Variants in FAM120B observed in about 807,000 individuals in gnomAD.
FAM120B encodes the protein family with sequence similarity 120 member B.
A neutral mutation model predicts 96.3 loss-of-function variants in FAM120B; 83 were observed. That is an observed-to-expected ratio of 0.86 (90% CI 0.72 to 1.03). FAM120B has a LOEUF of 1.03. Among genes scored for constraint, FAM120B ranks in the 50% least tolerant of loss-of-function variants. The pLI is 0.00. For missense variants in FAM120B, 1,027 were observed against 1,121.2 expected (o/e 0.92, Z 1.20); for synonymous variants, 407 against 402.7 (o/e 1.01, Z -0.13).
intron 1 of FAM120B, among the ~76,000 whole-genome samples, chr6:170,310,409 GT>G (rs1784525534): frequency 6.6e-6 from 1 of 152,246 alleles, no homozygotes. Context: ...TGGCTCTGTG[GT>G]GAGGCCCTTG....
chr6:170,365,692 G>A (rs1788737278), intron 6 of FAM120B, among the ~76,000 whole-genome samples: 1 of 151,456 alleles, frequency 6.6e-6, no homozygotes, highest in Non-Finnish European at 1.5e-5. Flanking sequence ...CGGGCCTCCT[G>A]ACACACACAC....
rs772858961 is a variant in FAM120B, at chr6:170,318,278, T to C, written c.888T>C (p.Leu296=). 25 of 1,614,016 alleles carry C rather than the reference T, an allele frequency of 1.5e-5. No individual in the cohort carries two copies. Among genetic ancestry groups the C allele is most frequent in the Non-Finnish European group, 1.9e-5 (23 of 1,180,026 alleles). Residue 296 remains leucine, a synonymous_variant, in exon 2 of 11, where the codon CTT becomes CTC. Coordinates refer to ENST00000476287, the MANE Select transcript of FAM120B (RefSeq NM_032448.3). Reference sequence around the variant, plus strand: ...TACCTCTGGGACCAAACAAAGCTCTTTTTTATAAAGGAATGGCATCATATC... The same window carrying C: ...TACCTCTGGGACCAAACAAAGCTCTCTTTTATAAAGGAATGGCATCATATC... ...EILPLGPNKA[L]FYKGMASYLL... is the part of the protein sequence containing the mutation.
intron 2 of FAM120B, among the ~76,000 whole-genome samples, chr6:170,319,772 G>T (rs1419253167): frequency 6.6e-6 from 1 of 152,278 alleles, no homozygotes; most frequent in Non-Finnish European, 1.5e-5. Flanking sequence ...GGGAGTTGTG[G>T]AAGTACTAAA....
At chr6:170,391,992 T>C (rs746995591) in intron 8 of FAM120B, among the ~76,000 whole-genome samples, 3 of 152,216 alleles carry the variant, frequency 2.0e-5, no homozygotes, top group Non-Finnish European at 4.4e-5. Flanking sequence ...GTTCCCCTGT[T>C]TGGAGCTCTG....
intron 6 of FAM120B, among the ~76,000 whole-genome samples, chr6:170,360,145 G>C (rs1263534098): frequency 6.6e-6 from 1 of 152,176 alleles, no homozygotes; most frequent in Non-Finnish European, 1.5e-5. Flanking sequence ...TAGGCCATGT[G>C]GGCAACATAG....
upstream of FAM120B, among the ~76,000 whole-genome samples, chr6:170,292,107 G>T (rs1395455421): frequency 6.6e-6 from 1 of 152,136 alleles, no homozygotes; most frequent in Non-Finnish European, 1.5e-5. This position sits in a 1 kb window ranked among gnomAD's most constrained non-coding sequence, Gnocchi z 6.6. Context: ...CTCCGCGCGC[G>T]CCGCGGCCTC....
chr6:170,363,975 G>A lies in FAM120B; in HGVS notation c.2283+5657G>A, dbSNP rs983193284. On this transcript the variant is annotated intron_variant, in intron 6 of 10. Coordinates refer to ENST00000476287, the MANE Select transcript of FAM120B (RefSeq NM_032448.3). This position sits in a 1 kb window ranked among gnomAD's most constrained non-coding sequence, Gnocchi z 4.5. The stretch of plus-strand genomic sequence containing the variant: ...CTGGAACTCCTGACCTTCAGTGATG[G>A]GCCTGCATCAGCCTCCCACAGTGCT... 6.6e-6 allele frequency among the ~76,000 whole-genome samples: 1 copy of A among 152,040 alleles called. No homozygotes were observed. The highest frequency in any genetic ancestry group is 2.4e-5 in the African/African-American group (1 of 41,404).
intron 4 of FAM120B, among the ~76,000 whole-genome samples, chr6:170,335,838 G>C (rs1786384344): frequency 6.6e-6 from 1 of 152,144 alleles, no homozygotes; most frequent in Admixed American, 6.5e-5. Context: ...ATGTTTGTTG[G>C]CTGCATAAAT....
At chr6:170,343,871 A>G (rs1786998968) in intron 4 of FAM120B, among the ~76,000 whole-genome samples, 1 of 152,150 alleles carries the variant, frequency 6.6e-6, no homozygotes, top group Non-Finnish European at 1.5e-5. Flanking sequence ...CTAGTATGTC[A>G]CTTACGTGTC....
intron 1 of FAM120B, among the ~76,000 whole-genome samples, chr6:170,309,029 A>C (rs1784446650): frequency 6.6e-6 from 1 of 152,224 alleles, no homozygotes; most frequent in South Asian, 2.1e-4. Flanking sequence ...CTTTAAGAAA[A>C]GGTTGATGTT....
intron 9 of FAM120B, among the ~76,000 whole-genome samples, chr6:170,403,609 G>A (rs1435613250): frequency 1.3e-5 from 2 of 152,182 alleles, no homozygotes; most frequent in African/African-American, 2.4e-5. Context: ...GCTCAGTGCA[G>A]GCAGCTGCCC....
intron 9 of FAM120B, among the ~76,000 whole-genome samples, chr6:170,397,859 G>A (rs1778264752): frequency 6.6e-6 from 1 of 152,188 alleles, no homozygotes; most frequent in Non-Finnish European, 1.5e-5. Context: ...AGTAAGGCAG[G>A]CTGGCAGGGG....
intron 9 of FAM120B, among the ~76,000 whole-genome samples, chr6:170,403,029 T>C (rs1052878163): frequency 6.6e-6 from 1 of 152,162 alleles, no homozygotes; most frequent in Non-Finnish European, 1.5e-5. Context: ...AAAATTGAGA[T>C]GTTAAATGCT....
upstream of FAM120B, among the ~76,000 whole-genome samples, chr6:170,305,840 G>A (rs986874103): frequency 6.6e-6 from 1 of 152,178 alleles, no homozygotes; most frequent in African/African-American, 2.4e-5. Context: ...CCTAGCCCAA[G>A]GGAGCATGTC....
chr6:170,338,408 A>T (rs1385154109), intron 4 of FAM120B, among the ~76,000 whole-genome samples: 1 of 152,032 alleles, frequency 6.6e-6, no homozygotes, highest in African/African-American at 2.4e-5. Flanking sequence ...GTTTGTTATG[A>T]TTTCTGTTCT....
chr6:170,318,372 G>C lies in FAM120B; in HGVS notation c.982G>C (p.Val328Leu). The C allele has an allele frequency of 6.2e-7, 1 of 1,614,216 alleles. No individual in the cohort carries two copies. The highest frequency in any genetic ancestry group is 8.5e-7 in the Non-Finnish European group (1 of 1,180,042). ...PKGVITLDKQ[V>L]ISTSSDAESR... is the part of the protein sequence containing the mutation. Reference sequence around the variant, plus strand: ...AGGTGTAATAACTTTGGACAAACAAGTAATATCCACGAGTTCAGACGCCGA... The same window carrying C: ...AGGTGTAATAACTTTGGACAAACAACTAATATCCACGAGTTCAGACGCCGA... The change falls in exon 2 of 11, where the codon GTA (valine) becomes CTA (leucine). Residue 328 changes from valine to leucine, a missense_variant. Val to Leu is a conservative substitution (Grantham distance 32). Coordinates refer to ENST00000476287, the MANE Select transcript of FAM120B (RefSeq NM_032448.3).
At chr6:170,344,948 T>C (rs569320819) in intron 4 of FAM120B, among the ~76,000 whole-genome samples, 1 of 152,320 alleles carries the variant, frequency 6.6e-6, no homozygotes, top group South Asian at 2.1e-4. Flanking sequence ...TTCCTCACAA[T>C]GTCTCTGCCC....
chr6:170,404,370 A>T, intron 9 of FAM120B, 180 bp from the exon 10 acceptor site: 1 of 525,788 alleles, frequency 1.9e-6, no homozygotes, highest in Non-Finnish European at 3.3e-6. Flanking sequence ...CTTCCACTTT[A>T]ATGGAATAAT....
At chr6:170,371,714 C>A (rs3818114) in intron 6 of FAM120B, among the ~76,000 whole-genome samples, 15,716 of 152,268 alleles carry the variant, frequency 0.1, 1,033 homozygotes, top group East Asian at 0.21. Flanking sequence ...GTCAGAGCCC[C>A]CTCTGTGCTC....
Sources: gnomAD v4.1 joint callset for allele counts (sites outside exome capture counted in the v4.1 genomes callset) on GRCh38, gnomAD v4.1.1 for gene constraint, Gnocchi (gnomAD v3.1) non-coding constraint, MANE v1.5 for transcripts, NCBI Gene and HGNC (gene_info 2026-07-23, HGNC 2026-07-21) for gene names.